The following CHRDL1 variants were observed in gnomAD, a reference collection of about 807,000 sequenced individuals.
CHRDL1 encodes the protein chordin-like protein 1.
Under a neutral mutation model 40.9 loss-of-function variants are expected in CHRDL1, and 19 were observed. The observed-to-expected ratio is 0.46, with a 90% CI of 0.32 to 0.68. The LOEUF is 0.68. Among genes scored for constraint, CHRDL1 ranks in the 30% least tolerant of loss-of-function variants. The probability of loss-of-function intolerance (pLI) is 0.03; values close to 1 mark genes in which losing one functional copy is unlikely to be tolerated. For synonymous variants in CHRDL1, 136 were observed against 123.4 expected, an observed-to-expected ratio of 1.10 and a Z score of -0.68; for missense variants, 329 against 352.1, an observed-to-expected ratio of 0.93 and a Z score of 0.53.
chrX:110,759,393 A>T (rs1316390536), intron 4 of CHRDL1, among the ~76,000 whole-genome samples: 2 of 112,641 alleles, frequency 1.8e-5, no homozygotes, highest in Non-Finnish European at 3.8e-5. Context: ...TCTCTGGGCC[A>T]CAATTTCCAT....
At chrX:110,676,416 A>G in intron 11 of CHRDL1, 55 bp from the exon 12 acceptor site, 1 of 1,150,267 alleles carries the variant, frequency 8.7e-7, no homozygotes, top group Non-Finnish European at 1.2e-6. Context: ...AAAGCAGAGC[A>G]AATTAGGAAT....
chrX:110,794,157 T>C (rs1323407409), intron 1 of CHRDL1, among the ~76,000 whole-genome samples: 1 of 112,109 alleles, frequency 8.9e-6, no homozygotes, highest in African/African-American at 3.2e-5. Context: ...CTTTTTCTTT[T>C]AGGGAAGGGG....
intron 2 of CHRDL1, among the ~76,000 whole-genome samples, chrX:110,779,305 T>G (rs867189542): frequency 5.4e-5 from 6 of 111,295 alleles, no homozygotes; most frequent in Admixed American, 1.9e-4. Flanking sequence ...ATTTTTCTCT[T>G]ATATTATCCT....
chrX:110,678,667 T>C (rs1156472490), intron 11 of CHRDL1, among the ~76,000 whole-genome samples: 1 of 111,775 alleles, frequency 8.9e-6, no homozygotes, highest in Non-Finnish European at 1.9e-5. Flanking sequence ...AGAACTATAC[T>C]AATTCATACT....
intron 6 of CHRDL1, among the ~76,000 whole-genome samples, chrX:110,716,760 G>C (rs1446517612): frequency 9.0e-6 from 1 of 111,327 alleles, no homozygotes; most frequent in Non-Finnish European, 1.9e-5. Flanking sequence ...TTTGTGCTAG[G>C]TCTTGAAGGA....
At chrX:110,723,167 C>A (rs923419314) in intron 4 of CHRDL1, among the ~76,000 whole-genome samples, 1 of 110,861 alleles carries the variant, frequency 9.0e-6, no homozygotes, top group African/African-American at 3.3e-5. Flanking sequence ...AGGAGAATGG[C>A]GTGAACTCGG....
At chrX:110,789,123 T>TAAC (rs748580007) in intron 2 of CHRDL1, among the ~76,000 whole-genome samples, 1 of 111,970 alleles carries the variant, frequency 8.9e-6, no homozygotes, top group African/African-American at 3.2e-5. Flanking sequence ...AGTAAGTTTT[T>TAAC]AACAAATAAA....
chrX:110,687,036 C>G, intron 9 of CHRDL1, among the ~76,000 whole-genome samples: 1 of 111,016 alleles, frequency 9.0e-6, no homozygotes, highest in Non-Finnish European at 1.9e-5. Flanking sequence ...CCTGTGTACT[C>G]TGGAAGATGG....
At position 110,760,912 on chromosome X, in the gene CHRDL1, G is replaced by A. The variant is rs2089551910; in HGVS notation, c.208-1158C>T. Reference sequence around the variant, plus strand: ...GAATTGAGATCACTGAAGCACATCAGAAACCACACCTCCCAGCTGAGGTCT... The same window carrying A: ...GAATTGAGATCACTGAAGCACATCAAAAACCACACCTCCCAGCTGAGGTCT... On this transcript the variant is annotated intron_variant, in intron 3 of 11. Coordinates refer to ENST00000372042, the MANE Select transcript of CHRDL1 (RefSeq NM_001143981.2). Among the ~76,000 whole-genome samples the A allele has an allele frequency of 2.7e-5, 3 of 111,134 alleles. No homozygotes were observed. In the South Asian group the frequency reaches 1.2e-3, roughly 43 times the overall value.
At chrX:110,752,952 A>G (rs1191813443) in intron 4 of CHRDL1, among the ~76,000 whole-genome samples, 7 of 111,687 alleles carry the variant, frequency 6.3e-5, no homozygotes, top group Admixed American at 4.8e-4. Context: ...GTAGGTACTC[A>G]AAGAAATGAA....
chrX:110,681,717 T>G, intron 9 of CHRDL1, 68 bp from the exon 10 acceptor site: 3 of 769,868 alleles, frequency 3.9e-6, no homozygotes, highest in Non-Finnish European at 5.8e-6. Context: ...TCTGCATTTA[T>G]GTATCTCATT....
intron 4 of CHRDL1, among the ~76,000 whole-genome samples, chrX:110,750,227 A>C (rs2089332387): frequency 8.9e-6 from 1 of 111,987 alleles, no homozygotes; most frequent in Non-Finnish European, 1.9e-5. Context: ...ACTACCTTCA[A>C]AGATTGGTGA....
At chrX:110,764,642 T>C (rs1030345842) in intron 2 of CHRDL1, among the ~76,000 whole-genome samples, 1 of 111,754 alleles carries the variant, frequency 8.9e-6, no homozygotes, top group Non-Finnish European at 1.9e-5. Context: ...AAGACGACCA[T>C]AATGTCTGAC....
chrX:110,678,204 T>C (rs1447638762), intron 11 of CHRDL1, among the ~76,000 whole-genome samples: 4 of 112,204 alleles, frequency 3.6e-5, no homozygotes, highest in African/African-American at 9.7e-5. Flanking sequence ...GCATGATAAA[T>C]TGGGCACTTC....
At chrX:110,732,802 T>G (rs1282142650) in intron 4 of CHRDL1, among the ~76,000 whole-genome samples, 2 of 110,950 alleles carry the variant, frequency 1.8e-5, no homozygotes, top group Non-Finnish European at 3.8e-5. Context: ...AGGGCCCATG[T>G]ATTCTTAGCT....
chrX:110,741,191 C>T (rs1362117057), intron 4 of CHRDL1, among the ~76,000 whole-genome samples: 7 of 111,939 alleles, frequency 6.3e-5, no homozygotes, highest in Non-Finnish European at 1.3e-4. Flanking sequence ...CTTAGTGCTT[C>T]AGGCCCTGTT....
At chrX:110,764,796 T>C (rs2148512084) in intron 2 of CHRDL1, among the ~76,000 whole-genome samples, 1 of 110,883 alleles carries the variant, frequency 9.0e-6, no homozygotes, top group African/African-American at 3.3e-5. Flanking sequence ...GGGGGAGGTC[T>C]ATAAATGGCT....
chrX:110,726,445 C>T (rs2071059451), intron 4 of CHRDL1, among the ~76,000 whole-genome samples: 1 of 111,709 alleles, frequency 9.0e-6, no homozygotes, highest in Non-Finnish European at 1.9e-5. Flanking sequence ...CACCAGAGAA[C>T]AAATCTGATG....
intron 6 of CHRDL1, among the ~76,000 whole-genome samples, chrX:110,708,747 A>C (rs191534591): frequency 9.0e-6 from 1 of 111,398 alleles, no homozygotes; most frequent in East Asian, 2.8e-4. Context: ...TGAATACAGA[A>C]ACTACGAGCT....
Sources: allele counts gnomAD v4.1 joint callset (sites outside exome capture counted in the v4.1 genomes callset), GRCh38; gene constraint gnomAD v4.1.1; transcripts MANE v1.5; gene names NCBI Gene and HGNC (gene_info 2026-07-23, HGNC 2026-07-21).